GPHN: variants seen among roughly 807,000 people sequenced by gnomAD.
GPHN encodes gephyrin.
Under a neutral mutation model 95.5 loss-of-function variants are expected in GPHN, and 17 were observed. The observed-to-expected ratio is 0.18, with a 90% confidence interval of 0.12 to 0.27. The LOEUF is 0.27. GPHN is among the 10% of genes least tolerant of loss of function. The pLI is 1.00. For synonymous variants in GPHN, 320 were observed against 322.5 expected (o/e 0.99, Z 0.08); for missense variants, 660 against 978.1 (o/e 0.67, Z 4.34).
At chr14:66,962,331 G>GTTTTTT (rs540551730) in intron 8 of GPHN, among the ~76,000 whole-genome samples, 34 of 148,372 alleles carry the variant, frequency 2.3e-4, no homozygotes, top group Non-Finnish European at 4.5e-4. Context: ...AGCATAGGCA[G>GTTTTTT]TTTTTGTTTT....
At chr14:67,385,421 C>T in the GPHN span, 1 of 140,018 alleles carries the variant, frequency 7.1e-6, no homozygotes, top group Non-Finnish European at 1.5e-5. Context: ...GCCTGGGTGA[C>T]AGGGCAAGAC....
chr14:67,328,858 G>C, the GPHN span, among the ~76,000 whole-genome samples: 10 of 152,164 alleles, frequency 6.6e-5, no homozygotes, highest in East Asian at 1.2e-3. Context: ...GGTACCAGTA[G>C]CATGCTGTTT....
At chr14:67,690,572 G>C in the GPHN span, 1 of 653,370 alleles carries the variant, frequency 1.5e-6, no homozygotes, top group Non-Finnish European at 2.6e-6. Context: ...CAAGTTTAAT[G>C]AAGGTTTAGG....
downstream of GPHN, among the ~76,000 whole-genome samples, chr14:67,183,709 A>G (rs112078143): frequency 6.6e-6 from 1 of 151,222 alleles, no homozygotes; most frequent in Non-Finnish European, 1.5e-5. Flanking sequence ...GATTACAGGC[A>G]TGCACCGCCA....
rs201752462 is a variant in GPHN at position 66,557,237 on chromosome 14, G to GTAGATAGATAGA, written c.64+48683_64+48694dup. Among the ~76,000 whole-genome samples, 552 of 142,006 alleles carry GTAGATAGATAGA rather than the reference G, an allele frequency of 3.9e-3. 1 individual carries two copies. Among genetic ancestry groups the GTAGATAGATAGA allele is most frequent in the Non-Finnish European group, 4.9e-3 (323 of 65,300 alleles). 93.2% of individuals were successfully genotyped at this position (142,006 alleles called of 152,430 possible). A position where few individuals can be genotyped will look rare whatever the true frequency, so the allele number is the denominator to read the frequency against. ...GATAGATAGATAGATACATAGGTAG[G>GTAGATAGATAGA]TAGATAGATAGATAGATAGATAGAT... On this transcript the variant is annotated intron_variant, in intron 1 of 22. Coordinates refer to ENST00000478722, the MANE Select transcript of GPHN (RefSeq NM_020806.5).
chr14:67,608,137 G>A, the GPHN span, among the ~76,000 whole-genome samples: 8 of 151,940 alleles, frequency 5.3e-5, no homozygotes, highest in Non-Finnish European at 8.8e-5. Flanking sequence ...CCAGCTACAC[G>A]GGAGGCTGAG....
At chr14:67,341,300 G>A in the GPHN span, among the ~76,000 whole-genome samples, 1 of 151,994 alleles carries the variant, frequency 6.6e-6, no homozygotes, top group African/African-American at 2.4e-5. Flanking sequence ...CTTCTGGGAG[G>A]TGAGGAGCGT....
At chr14:67,337,915 T>C in the GPHN span, 2 of 152,184 alleles carry the variant, frequency 1.3e-5, no homozygotes, top group Non-Finnish European at 2.9e-5. Context: ...AATGCAACAG[T>C]TGTCTCAAAA....
chr14:67,639,357 G>A, the GPHN span, among the ~76,000 whole-genome samples: 1 of 152,124 alleles, frequency 6.6e-6, no homozygotes, highest in Non-Finnish European at 1.5e-5. Context: ...TTGAATGAAA[G>A]TGCTTGGCAA....
At chr14:66,587,096 A>G (rs2061453430) in intron 1 of GPHN, among the ~76,000 whole-genome samples, 1 of 152,198 alleles carries the variant, frequency 6.6e-6, no homozygotes, top group Non-Finnish European at 1.5e-5. Context: ...ACAAGAGACT[A>G]CTGTGAACAG....
chr14:66,819,554 C>T (rs2061108115), intron 3 of GPHN, among the ~76,000 whole-genome samples: 1 of 152,068 alleles, frequency 6.6e-6, no homozygotes, highest in East Asian at 1.9e-4. Flanking sequence ...GTTTTGGTTA[C>T]TGTAGCCCTA....
the GPHN span, chr14:67,360,229 T>G: frequency 5.0e-6 from 2 of 400,102 alleles, no homozygotes; most frequent in African/African-American, 2.1e-5. Context: ...CCTTCCATGA[T>G]CTACATTCGT....
Position 66,554,733 on chromosome 14 carries a change from T to A in GPHN, c.64+46142T>A, listed in dbSNP as rs562442976. On this transcript the variant is annotated intron_variant, in intron 1 of 22. Transcript: ENST00000478722. Reference sequence around the variant, plus strand: ...AGCTGTCAATTATATAGTCAGGGAATCATAGACTTTTAGTACTTGTACAAA... The same window carrying A: ...AGCTGTCAATTATATAGTCAGGGAAACATAGACTTTTAGTACTTGTACAAA... 2.4e-4 allele frequency among the ~76,000 whole-genome samples: 36 copies of A among 152,294 alleles called. 1 individual carries two copies. Among genetic ancestry groups the A allele is most frequent in the Admixed American group, 1.9e-3 (29 of 15,300 alleles).
At chr14:66,843,411 A>G (rs1483734753) in intron 4 of GPHN, among the ~76,000 whole-genome samples, 1 of 152,174 alleles carries the variant, frequency 6.6e-6, no homozygotes, top group East Asian at 1.9e-4. Context: ...TTCTGCTATC[A>G]TCTACACTTG....
intron 1 of GPHN, among the ~76,000 whole-genome samples, chr14:66,534,332 G>T (rs1465722889): frequency 6.6e-6 from 1 of 152,016 alleles, no homozygotes; most frequent in South Asian, 2.1e-4. Context: ...TTATTATTCT[G>T]ATTTTTATTA....
intron 2 of GPHN, among the ~76,000 whole-genome samples, chr14:66,687,203 G>A (rs1299066842): frequency 2.6e-5 from 4 of 152,042 alleles, no homozygotes; most frequent in Admixed American, 1.3e-4. Context: ...ACAGATCAAC[G>A]AGACAGAAAG....
At chr14:67,150,332 T>C (rs1455041950) in intron 18 of GPHN, among the ~76,000 whole-genome samples, 1 of 148,510 alleles carries the variant, frequency 6.7e-6, no homozygotes, top group Non-Finnish European at 1.5e-5. Context: ...TCCTAGCTAC[T>C]TGGGAGGCTG....
chr14:66,628,054 A>G (rs1321125528), intron 1 of GPHN, among the ~76,000 whole-genome samples: 1 of 152,172 alleles, frequency 6.6e-6, no homozygotes, highest in East Asian at 1.9e-4. Flanking sequence ...GGAAAGAATT[A>G]AGCCTGTTGT....
At chr14:67,265,856 C>CA in the GPHN span, among the ~76,000 whole-genome samples, 887 of 75,090 alleles carry the variant, frequency 0.012, 17 homozygotes, top group East Asian at 0.089. Flanking sequence ...GACTCCATCT[C>CA]AAAAAAAAAA....
Sources: allele counts gnomAD v4.1 joint callset (sites outside exome capture counted in the v4.1 genomes callset), GRCh38; gene constraint gnomAD v4.1.1; transcripts MANE v1.5; gene names NCBI Gene and HGNC (gene_info 2026-07-23, HGNC 2026-07-21).